The following DEPTOR variants were observed in gnomAD, a reference collection of about 807,000 sequenced individuals.
DEPTOR encodes the protein DEP domain containing MTOR interacting protein, also known as DEP domain-containing mTOR-interacting protein.
DEPTOR carries 41 observed loss-of-function variants against 41.6 expected under a neutral mutation model. The observed-to-expected ratio is 0.98, with a 90% CI of 0.77 to 1.28. The LOEUF (loss-of-function observed/expected upper bound fraction) is 1.28, where lower values mean the gene tolerates loss of function less well. DEPTOR is among the 50% of genes most tolerant of loss of function. DEPTOR has a pLI of 0.00. For synonymous variants in DEPTOR, 195 were observed against 192.3 expected (o/e 1.01, Z -0.12); for missense variants, 514 against 527.9 (o/e 0.97, Z 0.26).
At chr8:120,042,975 C>G (rs1397001464) in intron 8 of DEPTOR, among the ~76,000 whole-genome samples, 2 of 151,966 alleles carry the variant, frequency 1.3e-5, no homozygotes, top group South Asian at 4.1e-4. Context: ...CTCAGCCTCC[C>G]GAGTAGCTGG....
At chr8:119,990,570 A>G (rs1250613320) in intron 4 of DEPTOR, among the ~76,000 whole-genome samples, 1 of 152,218 alleles carries the variant, frequency 6.6e-6, no homozygotes, top group African/African-American at 2.4e-5. Flanking sequence ...GCACTCAGAC[A>G]ATCACAGTGT....
chr8:119,946,137 G>C (rs936113690), intron 3 of DEPTOR, among the ~76,000 whole-genome samples: 3 of 152,106 alleles, frequency 2.0e-5, no homozygotes, highest in African/African-American at 7.2e-5. Flanking sequence ...CCTTCACACA[G>C]AGCTTCGGAG....
intron 3 of DEPTOR, among the ~76,000 whole-genome samples, chr8:119,953,337 C>T (rs1206776258): frequency 6.6e-6 from 1 of 152,028 alleles, no homozygotes; most frequent in Non-Finnish European, 1.5e-5. Flanking sequence ...AATCCCAGTA[C>T]TTTGGGAGGC....
chr8:119,900,352 A>C (rs932744638), intron 1 of DEPTOR, among the ~76,000 whole-genome samples: 1 of 75,576 alleles, frequency 1.3e-5, no homozygotes, highest in African/African-American at 3.8e-5. Flanking sequence ...AAAAAAAAAA[A>C]ACTAAATGTC....
intron 8 of DEPTOR, among the ~76,000 whole-genome samples, chr8:120,046,263 C>T (rs138028958): frequency 6.6e-6 from 1 of 152,252 alleles, no homozygotes; most frequent in African/African-American, 2.4e-5. Flanking sequence ...AATATATTCA[C>T]AGATTTATGT....
intron 3 of DEPTOR, among the ~76,000 whole-genome samples, chr8:119,950,584 C>CTTTTCTTTTCTTCT (rs1828339290): frequency 6.6e-6 from 1 of 151,360 alleles, no homozygotes; most frequent in Admixed American, 6.6e-5. Flanking sequence ...CCTTGCTAAT[C>CTTTTCTTTTCTTCT]TTTTCTTTTC....
At chr8:120,016,619 TAAAG>T (rs902555879) in intron 8 of DEPTOR, among the ~76,000 whole-genome samples, 1 of 151,144 alleles carries the variant, frequency 6.6e-6, no homozygotes, top group Non-Finnish European at 1.5e-5. Flanking sequence ...TTTTTTTTTT[TAAAG>T]AAAGAGTTTC....
intron 4 of DEPTOR, among the ~76,000 whole-genome samples, chr8:119,985,536 G>T (rs1586645093): frequency 6.6e-6 from 1 of 152,202 alleles, no homozygotes; most frequent in East Asian, 1.9e-4. Context: ...ATTTTGCTGT[G>T]CAGAAGCTCT....
rs138302507 is a variant in DEPTOR at position 119,953,074 on chromosome 8, C to T, written c.426-12158C>T. 5.9e-3 allele frequency among the ~76,000 whole-genome samples: 904 copies of T among 152,224 alleles called. 3 individuals carry two copies. The highest frequency in any genetic ancestry group is 9.3e-3 in the Non-Finnish European group (632 of 68,018). On this transcript the variant is annotated intron_variant, in intron 3 of 8. Coordinates refer to ENST00000286234, the MANE Select transcript of DEPTOR (RefSeq NM_022783.4). ...AGCATAGTACTTAAAAATATCAATGCTCATGTGAGCATTTCTCCCTAATTA... is the reference window on the plus strand; with the variant it reads ...AGCATAGTACTTAAAAATATCAATGTTCATGTGAGCATTTCTCCCTAATTA...
At position 119,965,322 on chromosome 8, in the gene DEPTOR, CTGG is replaced by C. The variant is rs1471981781; in HGVS notation, c.517_519del (p.Trp173del). On this transcript the variant is annotated inframe_deletion, in exon 4 of 9. Transcript: ENST00000286234. ...CCTTCATGGCATCTGAATTCCTGGACTGGCTGGTTCAGGAAGGTGAGGCCACCA... is the reference window on the plus strand; with the variant it reads ...CCTTCATGGCATCTGAATTCCTGGACCTGGTTCAGGAAGGTGAGGCCACCA... 2 of 1,614,000 alleles carry C rather than the reference CTGG, an allele frequency of 1.2e-6. No homozygotes were observed. The highest frequency in any genetic ancestry group is 1.7e-6 in the Non-Finnish European group (2 of 1,180,028).
chr8:119,935,996 G>GTTT lies in DEPTOR; in HGVS notation c.425+6060_425+6061insTTT, dbSNP rs1201688321. Reference sequence around the variant, plus strand: ...TCTGGTTCATAGACACATTAGTCTAGTTGTTTTTTTTTTTTTTTTTTTTAT... The same window carrying GTTT: ...TCTGGTTCATAGACACATTAGTCTAGTTTTTGTTTTTTTTTTTTTTTTTTTTAT... On this transcript the variant is annotated intron_variant, in intron 3 of 8. Transcript: ENST00000286234. Among the ~76,000 whole-genome samples the GTTT allele has an allele frequency of 4.9e-4, 50 of 102,774 alleles. 1 individual carries two copies. Among genetic ancestry groups the GTTT allele is most frequent in the African/African-American group, 1.8e-3 (47 of 26,638 alleles). 67.4% of individuals were successfully genotyped at this position (102,774 alleles called of 152,430 possible). A position where few individuals can be genotyped will look rare whatever the true frequency, so the allele number is the denominator to read the frequency against.
intron 8 of DEPTOR, among the ~76,000 whole-genome samples, chr8:120,048,302 GA>G (rs1388038491): frequency 6.6e-6 from 1 of 152,178 alleles, no homozygotes; most frequent in Non-Finnish European, 1.5e-5. Context: ...TTTGGCTCAT[GA>G]GTCTGCTGCA....
chr8:119,895,922 T>C (rs186538587), intron 1 of DEPTOR, among the ~76,000 whole-genome samples: 176 of 152,334 alleles, frequency 1.2e-3, no homozygotes, highest in African/African-American at 3.8e-3. Context: ...GATAAGGATG[T>C]TTAGATCAAA....
chr8:119,970,717 G>A (rs1490928286), intron 4 of DEPTOR, among the ~76,000 whole-genome samples: 1 of 152,136 alleles, frequency 6.6e-6, no homozygotes, highest in Non-Finnish European at 1.5e-5. Flanking sequence ...TGTGTTCGTG[G>A]CTAAGATTTA....
rs1423635568 is a variant in DEPTOR at position 119,914,039 on chromosome 8, T to G, written c.123-14361T>G. ...CCTACCCAGTCTTTCTTTTCTTTTT[T>G]TTTTTTTCCTTTTTTGTTCTTTTTT... On this transcript the variant is annotated intron_variant, in intron 1 of 8. Coordinates refer to ENST00000286234, the MANE Select transcript of DEPTOR (RefSeq NM_022783.4). 6.6e-5 allele frequency among the ~76,000 whole-genome samples: 10 copies of G among 152,018 alleles called. No homozygotes were observed. In the South Asian group the frequency reaches 2.1e-3, roughly 32 times the overall value.
chr8:120,047,297 C>T (rs1813166608), intron 8 of DEPTOR, among the ~76,000 whole-genome samples: 1 of 152,002 alleles, frequency 6.6e-6, no homozygotes, highest in South Asian at 2.1e-4. Context: ...GCTGGGATTA[C>T]AGATGTGAGC....
chr8:119,973,469 C>G (rs1828658698), intron 4 of DEPTOR, among the ~76,000 whole-genome samples: 1 of 152,182 alleles, frequency 6.6e-6, no homozygotes, highest in Non-Finnish European at 1.5e-5. Context: ...CTTCTGGGCT[C>G]AAGCGATCCT....
chr8:119,889,048 T>G (rs941623952), intron 1 of DEPTOR, among the ~76,000 whole-genome samples: 1 of 151,998 alleles, frequency 6.6e-6, no homozygotes, highest in Non-Finnish European at 1.5e-5. Flanking sequence ...ATGAATTTAT[T>G]TAAAAATTTG....
chr8:120,018,492 T>C (rs1317336579), intron 8 of DEPTOR, among the ~76,000 whole-genome samples: 2 of 152,096 alleles, frequency 1.3e-5, no homozygotes, highest in Non-Finnish European at 2.9e-5. Flanking sequence ...GGCAGGAGAA[T>C]TGCTTGAACC....
Sources: allele counts gnomAD v4.1 joint callset (sites outside exome capture counted in the v4.1 genomes callset), GRCh38; gene constraint gnomAD v4.1.1; transcripts MANE v1.5; gene names NCBI Gene and HGNC (gene_info 2026-07-23, HGNC 2026-07-21).